The following CDH8 variants were observed in gnomAD, a reference collection of about 807,000 sequenced individuals.
The protein encoded by CDH8 is cadherin-8.
In CDH8, 17 loss-of-function variants were observed where a neutral mutation model predicts 68.1. That is an observed-to-expected ratio of 0.25 (90% CI 0.17 to 0.37). CDH8 has a LOEUF of 0.37. CDH8 is among the 10% of genes least tolerant of loss of function. The pLI, the probability that CDH8 is intolerant of heterozygous loss-of-function variation, is 1.00. For missense variants in CDH8, 763 were observed against 999.3 expected (o/e 0.76, Z 3.19); for synonymous variants, 372 against 365.1 (o/e 1.02, Z -0.21).
chr16:61,820,021 G>T (rs1040525327), intron 6 of CDH8, among the ~76,000 whole-genome samples: 1 of 152,072 alleles, frequency 6.6e-6, no homozygotes, highest in Non-Finnish European at 1.5e-5. Context: ...GTATTATGAT[G>T]AGAACTATAA....
At chr16:61,851,668 AAC>A (rs1491495970) in intron 4 of CDH8, among the ~76,000 whole-genome samples, 35 of 147,530 alleles carry the variant, frequency 2.4e-4, no homozygotes, top group Non-Finnish European at 4.1e-4. Flanking sequence ...ACAAAAAAAA[AAC>A]ATTTTAAGAA....
chr16:61,768,783 T>C (rs188642472), intron 8 of CDH8, among the ~76,000 whole-genome samples: 1 of 151,892 alleles, frequency 6.6e-6, no homozygotes, highest in Admixed American at 6.6e-5. Flanking sequence ...AATAAGCTGT[T>C]TCCATCAATG....
At chr16:61,990,679 G>A (rs1384186627) in intron 2 of CDH8, among the ~76,000 whole-genome samples, 1 of 151,996 alleles carries the variant, frequency 6.6e-6, no homozygotes, top group Non-Finnish European at 1.5e-5. Context: ...AAATAATTTA[G>A]CCAGTGTGGC....
chr16:61,813,470 C>A (rs1015428487), intron 7 of CDH8, among the ~76,000 whole-genome samples: 4 of 152,162 alleles, frequency 2.6e-5, no homozygotes, highest in Admixed American at 1.3e-4. Flanking sequence ...CTCCGGCCTG[C>A]CCCGCAAGTG....
At chr16:61,733,393 CA>C (rs953650829) in intron 8 of CDH8, among the ~76,000 whole-genome samples, 3 of 148,268 alleles carry the variant, frequency 2.0e-5, no homozygotes, top group Non-Finnish European at 3.0e-5. Context: ...TGACTTTTTG[CA>C]AAAAAAAATC....
intron 8 of CDH8, among the ~76,000 whole-genome samples, chr16:61,750,421 A>C (rs1223449948): frequency 6.6e-6 from 1 of 152,128 alleles, no homozygotes; most frequent in Non-Finnish European, 1.5e-5. Context: ...ATTGCATTTC[A>C]TTCTGACTAA....
At chr16:61,871,082 G>A (rs1485011624) in intron 3 of CDH8, among the ~76,000 whole-genome samples, 2 of 151,608 alleles carry the variant, frequency 1.3e-5, no homozygotes. Context: ...AGACATTTAT[G>A]GCATAATTAT....
At chr16:61,951,810 C>T (rs1189464986) in intron 2 of CDH8, among the ~76,000 whole-genome samples, 1 of 152,084 alleles carries the variant, frequency 6.6e-6, no homozygotes, top group Non-Finnish European at 1.5e-5. Context: ...TATGATTTCC[C>T]CATGAGCCAC....
intron 1 of CDH8, among the ~76,000 whole-genome samples, chr16:62,034,217 A>G (rs867390457): frequency 6.6e-6 from 1 of 151,370 alleles, no homozygotes; most frequent in Non-Finnish European, 1.5e-5. Flanking sequence ...ACACACACAC[A>G]CGCACACGAA....
At chr16:61,727,741 T>G (rs1959416843) in intron 8 of CDH8, among the ~76,000 whole-genome samples, 1 of 151,050 alleles carries the variant, frequency 6.6e-6, no homozygotes, top group Non-Finnish European at 1.5e-5. Flanking sequence ...ATGAATCACA[T>G]TTTTCATTAA....
At chr16:61,835,758 A>G (rs780158574) in intron 4 of CDH8, among the ~76,000 whole-genome samples, 2 of 151,954 alleles carry the variant, frequency 1.3e-5, no homozygotes, top group African/African-American at 2.4e-5. Flanking sequence ...TACACGTATA[A>G]TAAGTATATT....
intron 8 of CDH8, among the ~76,000 whole-genome samples, chr16:61,779,495 T>C (rs1212724544): frequency 1.4e-5 from 2 of 146,914 alleles, no homozygotes; most frequent in Non-Finnish European, 3.0e-5. Context: ...AAGGAAGAAG[T>C]TGTGAGAAGT....
At chr16:61,817,842 A>T (rs1962116258) in intron 6 of CDH8, 110 bp from the exon 7 acceptor site, 2 of 1,035,854 alleles carry the variant, frequency 1.9e-6, no homozygotes, top group African/African-American at 3.2e-5. Context: ...CCCATTTGTG[A>T]GCCTTAATGG....
intron 10 of CDH8, among the ~76,000 whole-genome samples, chr16:61,657,994 T>C (rs1265482659): frequency 1.3e-5 from 2 of 152,104 alleles, no homozygotes; most frequent in Non-Finnish European, 2.9e-5. Context: ...GACTGTTGAC[T>C]GAGTAAAGAA....
Position 61,833,999 on chromosome 16 carries a change from C to T in CDH8, c.668-8820G>A, listed in dbSNP as rs1962515804. 3.3e-5 allele frequency among the ~76,000 whole-genome samples: 5 copies of T among 151,794 alleles called. No homozygotes were observed. The South Asian group carries it at 1.0e-3, about 32-fold the overall frequency. The stretch of plus-strand genomic sequence containing the variant: ...TATGAAAGCCATGTCATAATTATCG[C>T]CCAGAACCTAACGCAATCCCTGGCA... On this transcript the variant is annotated intron_variant, in intron 4 of 11. Transcript: ENST00000577390.
intron 8 of CDH8, among the ~76,000 whole-genome samples, chr16:61,765,272 T>C (rs575523333): frequency 2.1e-4 from 32 of 152,150 alleles, no homozygotes; most frequent in Non-Finnish European, 1.5e-5. Flanking sequence ...AATGAATGCA[T>C]GGCAGGATCA....
At chr16:61,717,744 T>C (rs548906582) in intron 9 of CDH8, among the ~76,000 whole-genome samples, 2 of 144,122 alleles carry the variant, frequency 1.4e-5, no homozygotes, top group East Asian at 3.9e-4. Context: ...ATATGAGATA[T>C]CCCCCCTCAC....
chr16:61,738,632 A>C lies in CDH8; in HGVS notation c.1415-11417T>G, dbSNP rs148621624. Among the ~76,000 whole-genome samples, 198 of 152,308 alleles carry C rather than the reference A, an allele frequency of 1.3e-3. 1 individual carries two copies. Among genetic ancestry groups the C allele is most frequent in the African/African-American group, 4.6e-3 (190 of 41,566 alleles). On this transcript the variant is annotated intron_variant, in intron 8 of 11. Transcript: ENST00000577390. The stretch of plus-strand genomic sequence containing the variant: ...TCCAAATAAAGATAACATGAGAGAC[A>C]GTTTATAAAAATCAATAGTGTGAAT...
intron 2 of CDH8, among the ~76,000 whole-genome samples, chr16:62,005,059 T>A (rs1030618870): frequency 6.6e-6 from 1 of 152,248 alleles, no homozygotes; most frequent in African/African-American, 2.4e-5. Flanking sequence ...AGTCTTCAGA[T>A]GCAGACTTTT....
Sources: allele counts gnomAD v4.1 joint callset (sites outside exome capture counted in the v4.1 genomes callset), GRCh38; gene constraint gnomAD v4.1.1; transcripts MANE v1.5; gene names NCBI Gene and HGNC (gene_info 2026-07-23, HGNC 2026-07-21).